Variants in TIAM1 observed in about 807,000 individuals in gnomAD.
TIAM1 encodes TIAM Rac1 associated GEF 1.
In TIAM1, 65 loss-of-function variants were observed where a neutral mutation model predicts 163.5. That is an observed-to-expected ratio of 0.40 (90% confidence interval 0.33 to 0.49). The LOEUF (loss-of-function observed/expected upper bound fraction) is 0.49, where lower values mean the gene tolerates loss of function less well. Ranked by LOEUF, TIAM1 falls within the 20% of genes least tolerant of loss-of-function variation. The pLI, the probability that TIAM1 is intolerant of heterozygous loss-of-function variation, is 0.77. For synonymous variants in TIAM1, 833 were observed against 810.1 expected (o/e 1.03, Z -0.48); for missense variants, 1,789 against 2,044.7 (o/e 0.87, Z 2.41).
chr21:31,501,226 G>A (rs904040362), intron 1 of TIAM1, among the ~76,000 whole-genome samples: 2 of 152,142 alleles, frequency 1.3e-5, no homozygotes, highest in African/African-American at 4.8e-5. Flanking sequence ...CATTACTGCA[G>A]AGGCTGGTTC....
rs1555975902 is a variant in TIAM1 at position 31,423,718 on chromosome 21, A to AAAC, written c.-369+40264_-369+40265insGTT. ...AAAGTTGTAAAAAAAAAAAAAAAAA[A>AAAC]AAAAAAAAAAACCTTGAAAACATTA... is the stretch of plus-strand genomic sequence containing the variant. On this transcript the variant is annotated intron_variant, in intron 2 of 28. Transcript: ENST00000286827. 7.1e-4 allele frequency among the ~76,000 whole-genome samples: 103 copies of AAAC among 146,070 alleles called. 1 individual carries two copies. Among genetic ancestry groups the AAAC allele is most frequent in the East Asian group, 5.7e-3 (26 of 4,546 alleles).
intron 2 of TIAM1, among the ~76,000 whole-genome samples, chr21:31,415,758 T>C (rs1486192689): frequency 6.6e-6 from 1 of 152,204 alleles, no homozygotes; most frequent in Non-Finnish European, 1.5e-5. Context: ...GGAAGATAAT[T>C]TGAACGTTTG....
intron 6 of TIAM1, among the ~76,000 whole-genome samples, chr21:31,233,421 C>T (rs1344830587): frequency 1.3e-5 from 2 of 151,984 alleles, no homozygotes; most frequent in African/African-American, 4.8e-5. Flanking sequence ...GTAAAGAGAA[C>T]TTAAGGCCAG....
intron 2 of TIAM1, among the ~76,000 whole-genome samples, chr21:31,418,811 T>C (rs754463432): frequency 2.6e-5 from 4 of 152,094 alleles, no homozygotes; most frequent in Non-Finnish European, 4.4e-5. Flanking sequence ...CAGAATCAGC[T>C]TCAGAGAGAG....
intron 2 of TIAM1, among the ~76,000 whole-genome samples, chr21:31,359,512 G>T (rs549067726): frequency 6.6e-6 from 1 of 152,082 alleles, no homozygotes; most frequent in South Asian, 2.1e-4. Flanking sequence ...TACAGTGAAA[G>T]GGCCGGGCAT....
intron 1 of TIAM1, among the ~76,000 whole-genome samples, chr21:31,478,041 T>A (rs2045990917): frequency 6.6e-6 from 1 of 152,192 alleles, no homozygotes; most frequent in South Asian, 2.1e-4. Context: ...GTGATTAACC[T>A]CATTAGGAAA....
intron 11 of TIAM1, among the ~76,000 whole-genome samples, chr21:31,208,677 A>G (rs2086572909): frequency 6.6e-6 from 1 of 152,156 alleles, no homozygotes; most frequent in Non-Finnish European, 1.5e-5. Context: ...TTTTTCCTCC[A>G]CATACATAAG....
chr21:31,290,191 T>TA (rs2073965521), intron 2 of TIAM1, among the ~76,000 whole-genome samples: 1 of 152,126 alleles, frequency 6.6e-6, no homozygotes, highest in Non-Finnish European at 1.5e-5. Context: ...AGATGAAACA[T>TA]AAATTTTGAA....
At chr21:31,535,778 T>C (rs2048112900) in intron 1 of TIAM1, among the ~76,000 whole-genome samples, 1 of 152,144 alleles carries the variant, frequency 6.6e-6, no homozygotes, top group African/African-American at 2.4e-5. Context: ...ATGTGTGAGT[T>C]TGACATCCAG....
chr21:31,304,921 G>A (rs1320332037), intron 2 of TIAM1, among the ~76,000 whole-genome samples: 1 of 152,136 alleles, frequency 6.6e-6, no homozygotes, highest in Non-Finnish European at 1.5e-5. Flanking sequence ...TCAAACTCCT[G>A]ACCTCAAAAG....
Position 31,195,507 on chromosome 21 carries a change from T to C in TIAM1, c.2494-202A>G, listed in dbSNP as rs1169877267. ...GTCGTCCTCAAACATAGCCACAGTTTGGTTTCTAAGTAATTCCTCCACATC... is the reference window on the plus strand; with the variant it reads ...GTCGTCCTCAAACATAGCCACAGTTCGGTTTCTAAGTAATTCCTCCACATC... On this transcript the variant is annotated intron_variant, in intron 12 of 27. Transcript: ENST00000541036. 2.0e-5 allele frequency among the ~76,000 whole-genome samples: 3 copies of C among 152,224 alleles called. No homozygotes were observed. The East Asian group carries it at 5.8e-4, about 29-fold the overall frequency.
At chr21:31,415,573 T>C (rs1262982846) in intron 2 of TIAM1, among the ~76,000 whole-genome samples, 1 of 152,136 alleles carries the variant, frequency 6.6e-6, no homozygotes, top group Non-Finnish European at 1.5e-5. Flanking sequence ...CACACTACCT[T>C]CACCCAGCTT....
chr21:31,331,654 G>A (rs539864713), intron 2 of TIAM1, among the ~76,000 whole-genome samples: 1 of 152,260 alleles, frequency 6.6e-6, no homozygotes, highest in East Asian at 1.9e-4. Context: ...ACTGAGGGCT[G>A]ACATTCTGCA....
chr21:31,314,613 TA>T (rs1440305753), intron 2 of TIAM1, among the ~76,000 whole-genome samples: 1 of 151,804 alleles, frequency 6.6e-6, no homozygotes, highest in South Asian at 2.1e-4. Context: ...TATTCCAATA[TA>T]TTTTTTTAGA....
intron 2 of TIAM1, among the ~76,000 whole-genome samples, chr21:31,409,923 C>T (rs1449995403): frequency 6.6e-6 from 1 of 151,336 alleles, no homozygotes; most frequent in Non-Finnish European, 1.5e-5. Flanking sequence ...TTCTTTTAAG[C>T]AGGATTTATA....
At chr21:31,400,129 T>C (rs2077140509) in intron 2 of TIAM1, among the ~76,000 whole-genome samples, 1 of 152,014 alleles carries the variant, frequency 6.6e-6, no homozygotes, top group Non-Finnish European at 1.5e-5. Flanking sequence ...TCTTTTTTTT[T>C]TTCCTTTTCT....
At chr21:31,472,750 C>A (rs1009105390) in intron 1 of TIAM1, among the ~76,000 whole-genome samples, 4 of 152,210 alleles carry the variant, frequency 2.6e-5, no homozygotes, top group African/African-American at 9.7e-5. Context: ...TAGACATGCA[C>A]ATTTCACATA....
At chr21:31,243,779 C>T (rs2146712518) in intron 6 of TIAM1, among the ~76,000 whole-genome samples, 1 of 152,270 alleles carries the variant, frequency 6.6e-6, no homozygotes, top group East Asian at 1.9e-4. Flanking sequence ...ATAGGATAAA[C>T]AGCTGATTTT....
chr21:31,251,242 C>T (rs1002163872), intron 5 of TIAM1, among the ~76,000 whole-genome samples: 2 of 152,132 alleles, frequency 1.3e-5, no homozygotes, highest in Admixed American at 6.5e-5. Context: ...GCTCCTCTAG[C>T]GTTAACTGTG....
Sources: gnomAD v4.1 joint callset for allele counts (sites outside exome capture counted in the v4.1 genomes callset) on GRCh38, gnomAD v4.1.1 for gene constraint, MANE v1.5 for transcripts, NCBI Gene and HGNC (gene_info 2026-07-23, HGNC 2026-07-21) for gene names.